The following SORCS1 variants were observed in gnomAD, a reference collection of about 807,000 sequenced individuals.
SORCS1 encodes the protein VPS10 domain-containing receptor SorCS1.
In SORCS1, 60 loss-of-function variants were observed where a neutral mutation model predicts 146.1. The ratio of observed to expected loss-of-function variants is 0.41; its 90% CI spans 0.33 to 0.51. The LOEUF (loss-of-function observed/expected upper bound fraction) is 0.51, where lower values mean the gene tolerates loss of function less well. Among genes scored for constraint, SORCS1 ranks in the 20% least tolerant of loss-of-function variants. The pLI, the probability that SORCS1 is intolerant of heterozygous loss-of-function variation, is 0.21. For missense variants in SORCS1, 1,352 were observed against 1,487.6 expected (o/e 0.91, Z 1.50); for synonymous variants, 637 against 584.0 (o/e 1.09, Z -1.31).
intron 1 of SORCS1, among the ~76,000 whole-genome samples, chr10:107,068,945 T>C (rs1962173439): frequency 6.6e-6 from 1 of 150,878 alleles, no homozygotes; most frequent in Non-Finnish European, 1.5e-5. Flanking sequence ...CCAAGTACAA[T>C]AAGCAATTAT....
In SORCS1 at chr10:107,137,157, C is replaced by T. The variant is rs1054715109; in HGVS notation, c.558+26812G>A. On this transcript the variant is annotated intron_variant, in intron 1 of 25. Transcript: ENST00000263054. ...CTGACACAGCCATCATTCCTCCAGC[C>T]TGGAAGCCAGGCACTAGAGAATGCT... Among the ~76,000 whole-genome samples the T allele has an allele frequency of 2.6e-5, 4 of 152,266 alleles. No individual in the cohort carries two copies. In the South Asian group the frequency reaches 6.2e-4, roughly 24 times the overall value.
rs553653680 is a variant in SORCS1 at position 106,738,387 on chromosome 10, A to G, written c.960-8273T>C. Among the ~76,000 whole-genome samples, 10 of 152,336 alleles carry G rather than the reference A, an allele frequency of 6.6e-5. No individual in the cohort carries two copies. In the East Asian group the frequency reaches 1.7e-3, roughly 26 times the overall value. ...AAAAAAGGATGAGTGACATTTCTGTAGGGAGGAGACCTGGGATTTTCTCAA... is the reference window on the plus strand; with the variant it reads ...AAAAAAGGATGAGTGACATTTCTGTGGGGAGGAGACCTGGGATTTTCTCAA... On this transcript the variant is annotated intron_variant, in intron 5 of 25. Transcript: ENST00000263054.
At chr10:107,126,576 T>C (rs1565078010) in intron 1 of SORCS1, among the ~76,000 whole-genome samples, 1 of 152,152 alleles carries the variant, frequency 6.6e-6, no homozygotes, top group Non-Finnish European at 1.5e-5. Context: ...ATTTCCAGCC[T>C]TTGGGATGAA....
chr10:106,819,816 A>C (rs2136906302), intron 3 of SORCS1, among the ~76,000 whole-genome samples: 1 of 152,322 alleles, frequency 6.6e-6, no homozygotes, highest in Admixed American at 6.5e-5. Context: ...AAGTCTTAAT[A>C]AGTTCCTGGT....
intron 5 of SORCS1, among the ~76,000 whole-genome samples, chr10:106,740,636 C>T (rs952531254): frequency 1.3e-5 from 2 of 152,076 alleles, no homozygotes; most frequent in Admixed American, 1.3e-4. Flanking sequence ...AAAAAAAACC[C>T]ATTGTTCCCC....
intron 1 of SORCS1, among the ~76,000 whole-genome samples, chr10:107,074,075 G>C (rs1962673184): frequency 6.6e-6 from 1 of 152,032 alleles, no homozygotes; most frequent in Admixed American, 6.6e-5. Flanking sequence ...TTTACATTGA[G>C]GTTCATTCTC....
chr10:106,607,118 T>C, intron 23 of SORCS1, 48 bp downstream of exon 23: 1 of 1,602,896 alleles, frequency 6.2e-7, no homozygotes. Flanking sequence ...AGTTGAAGAC[T>C]CCACAAACGG....
chr10:106,879,250 T>G (rs2137695346), intron 2 of SORCS1, among the ~76,000 whole-genome samples: 1 of 152,298 alleles, frequency 6.6e-6, no homozygotes, highest in East Asian at 1.9e-4. Flanking sequence ...CTCACGGAAC[T>G]TGCCAACCCT....
intron 8 of SORCS1, 75 bp from the exon 9 acceptor site, chr10:106,699,468 G>A: frequency 1.5e-6 from 2 of 1,348,092 alleles, no homozygotes; most frequent in Non-Finnish European, 2.0e-6. Context: ...CAAAGAGTGT[G>A]GAATCAAATG....
chr10:106,673,012 A>G, intron 14 of SORCS1, 27 bp from the exon 15 acceptor site: 2 of 1,572,772 alleles, frequency 1.3e-6, no homozygotes, highest in Non-Finnish European at 1.7e-6. Flanking sequence ...GATAAAAATA[A>G]TTACAATGAT....
chr10:106,697,853 T>C (rs185336049), intron 9 of SORCS1, among the ~76,000 whole-genome samples: 12 of 152,342 alleles, frequency 7.9e-5, no homozygotes, highest in Non-Finnish European at 1.5e-4. Flanking sequence ...ATCTGTACTC[T>C]AAATTAAATT....
intron 9 of SORCS1, among the ~76,000 whole-genome samples, chr10:106,696,649 C>T (rs1297664371): frequency 2.6e-5 from 4 of 152,222 alleles, no homozygotes; most frequent in African/African-American, 9.6e-5. Flanking sequence ...AGGGGAAACA[C>T]AAGATTAACA....
intron 3 of SORCS1, among the ~76,000 whole-genome samples, chr10:106,799,098 T>C (rs533688546): frequency 4.6e-5 from 7 of 152,316 alleles, no homozygotes; most frequent in Non-Finnish European, 1.0e-4. Flanking sequence ...CATCTGATCT[T>C]TGACAAACCT....
intron 1 of SORCS1, among the ~76,000 whole-genome samples, chr10:107,052,395 T>A (rs1052250616): frequency 2.0e-5 from 3 of 152,138 alleles, no homozygotes; most frequent in African/African-American, 7.2e-5. Context: ...AGTGGCCATA[T>A]AAATTATCAA....
chr10:106,759,274 C>T (rs960930474), intron 5 of SORCS1, among the ~76,000 whole-genome samples: 2 of 152,170 alleles, frequency 1.3e-5, no homozygotes, highest in African/African-American at 4.8e-5. Flanking sequence ...GAGATACTTT[C>T]ACTGCCCTCA....
chr10:106,903,798 G>C (rs1379360446), intron 2 of SORCS1, among the ~76,000 whole-genome samples: 2 of 152,154 alleles, frequency 1.3e-5, no homozygotes, highest in African/African-American at 4.8e-5. Flanking sequence ...TTCTGCTTTA[G>C]GTACTAGTCT....
At chr10:106,812,077 T>C (rs1947488236) in intron 3 of SORCS1, among the ~76,000 whole-genome samples, 1 of 152,090 alleles carries the variant, frequency 6.6e-6, no homozygotes. Context: ...CCTGGCTCAC[T>C]GCAAGCTCTG....
intron 1 of SORCS1, among the ~76,000 whole-genome samples, chr10:107,125,081 C>T (rs189846887): frequency 6.9e-4 from 105 of 151,448 alleles, no homozygotes; most frequent in African/African-American, 2.4e-3. Flanking sequence ...GCCTCCCAAG[C>T]AGCTGGGACT....
intron 1 of SORCS1, among the ~76,000 whole-genome samples, chr10:107,092,897 A>AAAAC (rs1554946813): frequency 2.8e-4 from 42 of 151,748 alleles, no homozygotes; most frequent in African/African-American, 9.2e-4. Context: ...AAAAAAAAAA[A>AAAAC]AAAAAAAAAC....
Sources: gnomAD v4.1 joint callset for allele counts (sites outside exome capture counted in the v4.1 genomes callset) on GRCh38, gnomAD v4.1.1 for gene constraint, MANE v1.5 for transcripts, NCBI Gene and HGNC (gene_info 2026-07-23, HGNC 2026-07-21) for gene names.